Variants in RAPGEF2 observed in about 807,000 individuals in gnomAD.
RAPGEF2 encodes Rap guanine nucleotide exchange factor 2, also known as PDZ domain containing guanine nucleotide exchange factor (GEF) 1.
Under a neutral mutation model 186.7 loss-of-function variants are expected in RAPGEF2, and 54 were observed. The observed-to-expected ratio is 0.29, with a 90% CI of 0.23 to 0.36. The LOEUF (loss-of-function observed/expected upper bound fraction) is 0.36. Ranked by LOEUF, RAPGEF2 falls within the 10% of genes least tolerant of loss-of-function variation. RAPGEF2 has a pLI of 1.00. For missense variants in RAPGEF2, 1,532 were observed against 2,045.0 expected (o/e 0.75, Z 4.84); for synonymous variants, 712 against 705.9 (o/e 1.01, Z -0.14).
intron 1 of RAPGEF2, among the ~76,000 whole-genome samples, chr4:159,117,804 A>G (rs1739209519): frequency 6.6e-6 from 1 of 152,074 alleles, no homozygotes; most frequent in Non-Finnish European, 1.5e-5. Context: ...GGGCATTGAC[A>G]TTTGTTCATC....
At chr4:159,350,905 A>C (rs946880582) in intron 26 of RAPGEF2, among the ~76,000 whole-genome samples, 1 of 152,250 alleles carries the variant, frequency 6.6e-6, no homozygotes, top group African/African-American at 2.4e-5. Flanking sequence ...AAGGAAAGCC[A>C]AAAGGGCTTA....
chr4:159,351,128 T>C (rs1731112685), intron 26 of RAPGEF2: 7 of 1,535,544 alleles, frequency 4.6e-6, no homozygotes, highest in Non-Finnish European at 6.1e-6. Flanking sequence ...TCCTCTTCTC[T>C]TGGAAGTGAG....
chr4:159,159,063 A>C lies in RAPGEF2; in HGVS notation c.70-27579A>C, dbSNP rs904468513. Among the ~76,000 whole-genome samples, 16 of 152,268 alleles carry C rather than the reference A, an allele frequency of 1.1e-4. No homozygotes were observed. In the South Asian group the frequency reaches 3.1e-3, roughly 30 times the overall value. ...ATGAAAGCTTAGAGATATTTAAGTAACTGTCCCAGAATCTTACAGCAATAA... is the reference window on the plus strand; with the variant it reads ...ATGAAAGCTTAGAGATATTTAAGTACCTGTCCCAGAATCTTACAGCAATAA... On this transcript the variant is annotated intron_variant, in intron 1 of 29. Transcript: ENST00000691494.
intron 1 of RAPGEF2, among the ~76,000 whole-genome samples, chr4:159,149,955 G>A (rs1164191057): frequency 6.6e-6 from 1 of 152,176 alleles, no homozygotes; most frequent in Non-Finnish European, 1.5e-5. Context: ...AGGCACAGGT[G>A]GAGGTTGGAT....
chr4:159,323,295 T>C lies in RAPGEF2; in HGVS notation c.991-164T>C, dbSNP rs72967759. Among the ~76,000 whole-genome samples the C allele has an allele frequency of 8.8e-3, 1,338 of 152,358 alleles. 17 individuals are homozygous for C. The highest frequency in any genetic ancestry group is 0.031 in the African/African-American group (1,275 of 41,582). ...ATGGAAATATGTAGATATGTGGCTG[T>C]GTTTTATTCCTTATTCTGTGAACTT... On this transcript the variant is annotated intron_variant, in intron 10 of 29. Transcript: ENST00000691494.
chr4:159,120,978 C>T (rs1456523419), intron 1 of RAPGEF2, among the ~76,000 whole-genome samples: 1 of 152,044 alleles, frequency 6.6e-6, no homozygotes, highest in Admixed American at 6.6e-5. Context: ...CCTCTGCCTC[C>T]CTACTAGCTG....
chr4:159,232,316 G>A (rs1752736146), intron 4 of RAPGEF2, among the ~76,000 whole-genome samples: 1 of 152,148 alleles, frequency 6.6e-6, no homozygotes, highest in Non-Finnish European at 1.5e-5. Context: ...TGGCAACCTT[G>A]AATCGACTTT....
At chr4:159,284,094 G>T (rs1347192696) in intron 7 of RAPGEF2, among the ~76,000 whole-genome samples, 1 of 152,198 alleles carries the variant, frequency 6.6e-6, no homozygotes, top group Non-Finnish European at 1.5e-5. Flanking sequence ...TCAGGCTGAA[G>T]TTTCTTTATT....
At chr4:159,296,042 A>G (rs1453226271) in intron 7 of RAPGEF2, among the ~76,000 whole-genome samples, 3 of 147,212 alleles carry the variant, frequency 2.0e-5, no homozygotes, top group Non-Finnish European at 4.4e-5. Context: ...GAAGTTTTAC[A>G]TAGATTTAAT....
At position 159,295,720 on chromosome 4, in the gene RAPGEF2, AGTGTGTGTGTGTGTGT is replaced by A. The variant is rs71589223; in HGVS notation, c.544-8602_544-8587del. Among the ~76,000 whole-genome samples the A allele has an allele frequency of 3.9e-4, 53 of 134,722 alleles. 1 individual carries two copies. Among genetic ancestry groups the A allele is most frequent in the Admixed American group, 2.4e-3 (33 of 13,752 alleles). The allele number at this position is 134,722 out of a possible 152,430, so 88.4% of individuals were successfully genotyped here. A position where few individuals can be genotyped will look rare whatever the true frequency, so the allele number is the denominator to read the frequency against. ...TAGCATAAGAGAGAGAGAGTGTGTG[AGTGTGTGTGTGTGTGT>A]GTGTGTGTGTGTGTGTGTGCGCGCG... On this transcript the variant is annotated intron_variant, in intron 7 of 29. Coordinates refer to ENST00000691494, the MANE Select transcript of RAPGEF2 (RefSeq NM_001394067.2).
At chr4:159,116,387 C>T (rs151283549) in intron 1 of RAPGEF2, among the ~76,000 whole-genome samples, 1,954 of 152,194 alleles carry the variant, frequency 0.013, 43 homozygotes, top group African/African-American at 0.044. Flanking sequence ...AGTGATATAC[C>T]ATCTCACGCC....
In RAPGEF2 at chr4:159,210,556, A is replaced by G. The variant is rs1391362846; in HGVS notation, c.254A>G (p.Lys85Arg). 6 of 1,533,440 alleles carry G rather than the reference A, an allele frequency of 3.9e-6. No individual in the cohort carries two copies. Among genetic ancestry groups the G allele is most frequent in the African/African-American group, 1.4e-5 (1 of 72,966 alleles). 95.0% of individuals were successfully genotyped at this position (1,533,440 alleles called of 1,614,324 possible). Reference protein sequence around the residue: ...YILLSGSVFIKESMFLPRSSF... With the variant: ...YILLSGSVFIRESMFLPRSSF... ...CTTCTTTCTGGTTCCGTGTTCATCA[A>G]GGAATCCATGTTTCTTCCAAGAAGC... Residue 85 changes from lysine to arginine, a missense_variant, in exon 4 of 30, where the codon AAG (lysine) becomes AGG (arginine). Coordinates refer to ENST00000691494, the MANE Select transcript of RAPGEF2 (RefSeq NM_001394067.2).
rs540728458 is a variant in RAPGEF2 at position 159,201,062 on chromosome 4, C to T, written c.197+7806C>T. On this transcript the variant is annotated intron_variant, in intron 3 of 29. Transcript: ENST00000691494. ...GTTTTAGTACATGCACTTTATATTT[C>T]TTTTGGCTTGATATCATTGTTGGGG... 5.3e-5 allele frequency among the ~76,000 whole-genome samples: 8 copies of T among 152,190 alleles called. No homozygotes were observed. The South Asian group carries it at 1.7e-3, about 32-fold the overall frequency.
chr4:159,355,020 T>A (rs1174661688), intron 28 of RAPGEF2, among the ~76,000 whole-genome samples: 1 of 152,202 alleles, frequency 6.6e-6, no homozygotes, highest in African/African-American at 2.4e-5. Context: ...GATTTCAAGT[T>A]TAATATCCTT....
chr4:159,144,230 A>G lies in RAPGEF2; in HGVS notation c.69+39999A>G, dbSNP rs1431421346. 3.9e-5 allele frequency among the ~76,000 whole-genome samples: 6 copies of G among 152,188 alleles called. No homozygotes were observed. The East Asian group carries it at 5.8e-4, about 15-fold the overall frequency. ...TCATCCGAATACTGTCATCCTTCAC[A>G]TATCATTCTGCAACTTACCTTAGTC... is the stretch of plus-strand genomic sequence containing the variant. On this transcript the variant is annotated intron_variant, in intron 1 of 29. Coordinates refer to ENST00000691494, the MANE Select transcript of RAPGEF2 (RefSeq NM_001394067.2).
chr4:159,269,218 T>C (rs954388396), intron 7 of RAPGEF2, among the ~76,000 whole-genome samples: 5 of 152,214 alleles, frequency 3.3e-5, no homozygotes, highest in African/African-American at 1.2e-4. Context: ...GTTTTGTTCA[T>C]TGTTAGGAAC....
At chr4:159,337,027 CA>C (rs1403835217) in intron 17 of RAPGEF2, among the ~76,000 whole-genome samples, 1 of 152,164 alleles carries the variant, frequency 6.6e-6, no homozygotes, top group Non-Finnish European at 1.5e-5. Flanking sequence ...GTTGACCCTT[CA>C]AATCTAGAAA....
chr4:159,200,615 A>G (rs566986006), intron 3 of RAPGEF2, among the ~76,000 whole-genome samples: 13 of 152,290 alleles, frequency 8.5e-5, no homozygotes, highest in East Asian at 7.7e-4. Flanking sequence ...TTTTCAGTAT[A>G]AAGATGAAAT....
chr4:159,179,467 C>A (rs1057470578), intron 1 of RAPGEF2, among the ~76,000 whole-genome samples: 5 of 152,166 alleles, frequency 3.3e-5, no homozygotes, highest in African/African-American at 1.2e-4. Context: ...CCATACATTT[C>A]TTTGTGCATC....
Sources: gnomAD v4.1 joint callset for allele counts (sites outside exome capture counted in the v4.1 genomes callset) on GRCh38, gnomAD v4.1.1 for gene constraint, MANE v1.5 for transcripts, NCBI Gene and HGNC (gene_info 2026-07-23, HGNC 2026-07-21) for gene names.